The following ZFAT variants were observed in gnomAD, a reference collection of about 807,000 sequenced individuals.
ZFAT encodes zinc finger and AT-hook domain containing, also known as zinc finger protein ZFAT.
A neutral mutation model predicts 117.7 loss-of-function variants in ZFAT; 64 were observed. That is an observed-to-expected ratio of 0.54 (90% confidence interval 0.44 to 0.67). The LOEUF (loss-of-function observed/expected upper bound fraction) is 0.67, where lower values mean the gene tolerates loss of function less well. Among genes scored for constraint, ZFAT ranks in the 30% least tolerant of loss-of-function variants. ZFAT has a pLI of 0.00. For synonymous variants in ZFAT, 679 were observed against 615.0 expected (o/e 1.10, Z -1.54); for missense variants, 1,433 against 1,584.5 (o/e 0.90, Z 1.62).
At chr8:134,751,899 T>C in the ZFAT span, among the ~76,000 whole-genome samples, 4 of 152,204 alleles carry the variant, frequency 2.6e-5, no homozygotes, top group Non-Finnish European at 5.9e-5. Flanking sequence ...TTTCCCTCGA[T>C]ACACTATGAA....
intron 1 of ZFAT, among the ~76,000 whole-genome samples, chr8:134,676,511 C>T (rs913583310): frequency 7.9e-5 from 12 of 152,136 alleles, no homozygotes; most frequent in African/African-American, 2.9e-4. Flanking sequence ...ACTTTAACAC[C>T]TCACTGTCAA....
chr8:134,708,921 C>T (rs1009809169), intron 1 of ZFAT, among the ~76,000 whole-genome samples: 4 of 152,104 alleles, frequency 2.6e-5, no homozygotes, highest in East Asian at 3.9e-4. Flanking sequence ...CATTGTGCTC[C>T]AGACTGGGCA....
intron 10 of ZFAT, 83 bp downstream of exon 10, chr8:134,583,749 T>A: frequency 2.6e-6 from 4 of 1,521,096 alleles, no homozygotes; most frequent in Non-Finnish European, 3.6e-6. Flanking sequence ...CTGCCTCTGG[T>A]ACAGCAAGTT....
At chr8:134,637,117 T>C (rs1287133567) in intron 3 of ZFAT, among the ~76,000 whole-genome samples, 39 of 152,246 alleles carry the variant, frequency 2.6e-4, no homozygotes, top group Admixed American at 2.6e-3. Flanking sequence ...TGCTGACAAT[T>C]TGTTATCGAT....
chr8:134,497,802 G>T (rs34607022), intron 15 of ZFAT, among the ~76,000 whole-genome samples: 7 of 118,516 alleles, frequency 5.9e-5, no homozygotes, highest in Admixed American at 1.8e-4. Context: ...GGTGGAGCCG[G>T]GATGCCCCAG....
At chr8:134,820,224 T>C in the ZFAT span, among the ~76,000 whole-genome samples, 1 of 152,126 alleles carries the variant, frequency 6.6e-6, no homozygotes, top group African/African-American at 2.4e-5. Flanking sequence ...TGACAGTGAG[T>C]AGTGGATCAC....
chr8:134,556,270 G>T (rs997874909), intron 11 of ZFAT, among the ~76,000 whole-genome samples: 27 of 152,130 alleles, frequency 1.8e-4, no homozygotes, highest in African/African-American at 6.0e-4. Context: ...AACATAAAAA[G>T]AAGAATTAAA....
At chr8:134,765,108 C>T in the ZFAT span, 14 of 152,134 alleles carry the variant, frequency 9.2e-5, no homozygotes, top group African/African-American at 2.9e-4. Context: ...CTCAAATGGG[C>T]CAACTGTTAA....
At chr8:134,782,722 T>C in the ZFAT span, among the ~76,000 whole-genome samples, 14 of 152,240 alleles carry the variant, frequency 9.2e-5, no homozygotes, top group Admixed American at 2.6e-4. Context: ...ATGTGCCTTT[T>C]GCCTTCTGCC....
At chr8:134,650,630 G>A (rs1237833855) in intron 2 of ZFAT, among the ~76,000 whole-genome samples, 2 of 152,182 alleles carry the variant, frequency 1.3e-5, no homozygotes, top group Non-Finnish European at 2.9e-5. Flanking sequence ...AACAAAGTTG[G>A]AAGATTCAAA....
intron 11 of ZFAT, among the ~76,000 whole-genome samples, chr8:134,534,807 A>C: frequency 1.7e-5 from 2 of 117,998 alleles, no homozygotes; most frequent in Admixed American, 8.2e-5. Context: ...GGAGGGAGGA[A>C]AGGAAGAAAA....
intron 15 of ZFAT, among the ~76,000 whole-genome samples, chr8:134,497,400 G>C (rs927416370): frequency 1.3e-5 from 2 of 152,104 alleles, no homozygotes; most frequent in South Asian, 4.2e-4. Flanking sequence ...GGATGCCCCT[G>C]CTGCTGGTTA....
chr8:134,518,552 A>G (rs1820407985), intron 13 of ZFAT, among the ~76,000 whole-genome samples: 2 of 152,012 alleles, frequency 1.3e-5, no homozygotes, highest in Non-Finnish European at 2.9e-5. Flanking sequence ...CAGATATTCG[A>G]TGTTATTTAC....
At chr8:134,539,092 AC>A (rs1822057079) in intron 11 of ZFAT, among the ~76,000 whole-genome samples, 1 of 152,192 alleles carries the variant, frequency 6.6e-6, no homozygotes, top group Non-Finnish European at 1.5e-5. Context: ...AATATATCTC[AC>A]CCGTGAAACT....
intron 10 of ZFAT, among the ~76,000 whole-genome samples, chr8:134,569,966 C>G (rs1824770481): frequency 6.6e-6 from 1 of 152,194 alleles, no homozygotes; most frequent in Non-Finnish European, 1.5e-5. Flanking sequence ...TTCCCAGCAC[C>G]CTATCTGGCC....
chr8:134,668,598 T>C (rs1159110103), intron 1 of ZFAT, among the ~76,000 whole-genome samples: 3 of 152,162 alleles, frequency 2.0e-5, no homozygotes, highest in Non-Finnish European at 2.9e-5. Context: ...CAAAACCCCA[T>C]CTGTACGTCA....
intron 15 of ZFAT, among the ~76,000 whole-genome samples, chr8:134,493,357 C>T (rs552911223): frequency 1.3e-5 from 2 of 152,174 alleles, no homozygotes; most frequent in Non-Finnish European, 2.9e-5. Flanking sequence ...GAGAGAAGGG[C>T]CTTCGAAACA....
At position 134,602,810 on chromosome 8, in the gene ZFAT, C is replaced by T. The variant is rs187092112; in HGVS notation, c.909G>A (p.Gln303=). ...CCTTGATGGCACTGGCATAGCTGCA[C>T]TGGGGGCACTTGTATGGCTTTTCAT... is the stretch of plus-strand genomic sequence containing the variant. ...HTNEKPYKCP[Q]CSYASAIKAN... is the part of the protein sequence containing the mutation. The change falls in exon 6 of 16, where the codon CAG becomes CAA. Residue 303 remains glutamine, a synonymous_variant. Coordinates refer to ENST00000377838, the MANE Select transcript of ZFAT (RefSeq NM_020863.4). 2.5e-6 allele frequency: 4 copies of T among 1,614,204 alleles called. No homozygotes were observed. In the East Asian group the frequency reaches 8.9e-5, roughly 36 times the overall value.
At chr8:134,536,354 C>G (rs1282840541) in intron 11 of ZFAT, among the ~76,000 whole-genome samples, 1 of 152,184 alleles carries the variant, frequency 6.6e-6, no homozygotes, top group African/African-American at 2.4e-5. Flanking sequence ...CCCCCAGCAG[C>G]CTTTTCACTG....
Sources: gnomAD v4.1 joint callset for allele counts (sites outside exome capture counted in the v4.1 genomes callset) on GRCh38, gnomAD v4.1.1 for gene constraint, MANE v1.5 for transcripts, NCBI Gene and HGNC (gene_info 2026-07-23, HGNC 2026-07-21) for gene names.